Variants in LAMA1 observed in about 807,000 individuals in gnomAD.
The protein encoded by LAMA1 is laminin subunit alpha-1.
Under a neutral mutation model 348.7 loss-of-function variants are expected in LAMA1, and 219 were observed. The observed-to-expected ratio is 0.63, with a 90% confidence interval of 0.56 to 0.70. LAMA1 has a LOEUF of 0.70. Among genes scored for constraint, LAMA1 ranks in the 30% least tolerant of loss-of-function variants. LAMA1 has a pLI of 0.00. For synonymous variants in LAMA1, 1,487 were observed against 1,491.0 expected (o/e 1.00, Z 0.06); for missense variants, 3,744 against 3,888.0 (o/e 0.96, Z 0.99).
intron 48 of LAMA1, among the ~76,000 whole-genome samples, chr18:6,967,025 G>A (rs1345066806): frequency 4.6e-5 from 7 of 152,214 alleles, no homozygotes; most frequent in Non-Finnish European, 1.0e-4. Flanking sequence ...GCTTGAGAGT[G>A]AAACTTGGAT....
At chr18:7,056,527 A>G (rs1343526730) in intron 3 of LAMA1, among the ~76,000 whole-genome samples, 2 of 152,164 alleles carry the variant, frequency 1.3e-5, no homozygotes, top group East Asian at 3.8e-4. Flanking sequence ...GAGGTCAAGA[A>G]ACAAACTACT....
In LAMA1 at chr18:6,973,040, A is replaced by C. The variant is rs1246238754; in HGVS notation, c.6774+17T>G. On this transcript the variant is annotated intron_variant, in intron 47 of 62. Transcript: ENST00000389658. Reference sequence around the variant, plus strand: ...TCAGTCAATCAGTCCTGTTCAGAAGAACTTTCGTAATGTTACCTTGATTTG... The same window carrying C: ...TCAGTCAATCAGTCCTGTTCAGAAGCACTTTCGTAATGTTACCTTGATTTG... 4 of 1,613,776 alleles carry C rather than the reference A, an allele frequency of 2.5e-6. No homozygotes were observed. In the South Asian group the frequency reaches 4.4e-5, roughly 18 times the overall value.
rs2143971446 is a variant in LAMA1, at chr18:6,949,211, G to A, written c.8446C>T (p.Arg2816Ter). The change falls in exon 59 of 63, where the codon CGA becomes TGA. Residue 2816 changes from arginine (R) to a stop codon, truncating the protein, a stop_gained. Transcript: ENST00000389658. LOFTEE classifies it high-confidence loss of function. ...ACCACAGTCACCATGGGAGACTCTC[G>A]GCCGTCGACAGTTATGAAGCCTTTT... is the stretch of plus-strand genomic sequence containing the variant. Reference protein sequence around the residue: ...KRKGFITVDGRESPMVTVVGD... With the variant: ...KRKGFITVDG 4 of 1,614,140 alleles carry A rather than the reference G, an allele frequency of 2.5e-6. No homozygotes were observed. Among genetic ancestry groups the A allele is most frequent in the Non-Finnish European group, 3.4e-6 (4 of 1,180,012 alleles).
intron 3 of LAMA1, among the ~76,000 whole-genome samples, chr18:7,053,305 C>A (rs1457734347): frequency 1.3e-5 from 2 of 152,176 alleles, no homozygotes; most frequent in Non-Finnish European, 2.9e-5. Context: ...GAATGTACAA[C>A]ACCAAGAGGG....
rs76211254 is a variant in LAMA1 at position 7,097,866 on chromosome 18, G to A, written c.62-17409C>T. Reference sequence around the variant, plus strand: ...CCTCTCCCCTCTCCCCTCTCCCCACGGTCTCCCTCTCCCTCTCTTTCCACG... The same window carrying A: ...CCTCTCCCCTCTCCCCTCTCCCCACAGTCTCCCTCTCCCTCTCTTTCCACG... On this transcript the variant is annotated intron_variant, in intron 1 of 62. Transcript: ENST00000389658. 8.7e-5 allele frequency among the ~76,000 whole-genome samples: 13 copies of A among 149,142 alleles called. No individual in the cohort carries two copies. In the South Asian group the frequency reaches 1.1e-3, roughly 12 times the overall value.
At chr18:6,970,158 G>C (rs962374116) in intron 48 of LAMA1, among the ~76,000 whole-genome samples, 2 of 152,130 alleles carry the variant, frequency 1.3e-5, no homozygotes, top group African/African-American at 4.8e-5. Flanking sequence ...GGATCAGAGA[G>C]CCTGAATTCA....
intron 1 of LAMA1, 72 bp from the exon 2 acceptor site, chr18:7,080,529 G>A (rs1165672436): frequency 6.7e-7 from 1 of 1,490,268 alleles, no homozygotes; most frequent in Non-Finnish European, 9.3e-7. Flanking sequence ...CATCCCACTT[G>A]GTAGGTGAAT....
At chr18:7,024,930 C>T (rs1005442000) in intron 17 of LAMA1, among the ~76,000 whole-genome samples, 5 of 152,198 alleles carry the variant, frequency 3.3e-5, no homozygotes, top group Non-Finnish European at 5.9e-5. Flanking sequence ...GGTCAGGAGG[C>T]TCTCGCACCT....
At chr18:6,995,726 T>C (rs2057778443) in intron 33 of LAMA1, among the ~76,000 whole-genome samples, 1 of 152,198 alleles carries the variant, frequency 6.6e-6, no homozygotes, top group Non-Finnish European at 1.5e-5. Flanking sequence ...GATAAAAGTC[T>C]GGCTTTATCT....
chr18:6,974,985 C>T lies in LAMA1; in HGVS notation c.6541G>A (p.Asp2181Asn), dbSNP rs765514677. Residue 2181 changes from aspartate (D) to asparagine (N), a missense_variant, in exon 46 of 63, where the codon GAC (aspartate) becomes AAC (asparagine). Physicochemically the swap from Asp to Asn is conservative, Grantham distance 23 (BLOSUM62 1). Coordinates refer to ENST00000389658, the MANE Select transcript of LAMA1 (RefSeq NM_005559.4). Reference sequence around the variant, plus strand: ...AAGCGTGTGGACCCGGAGCCCAGGTCCCACAGGAAGGCCACTCTCCCTCGC... The same window carrying T: ...AAGCGTGTGGACCCGGAGCCCAGGTTCCACAGGAAGGCCACTCTCCCTCGC... The part of the protein sequence containing the change: ...MRRGRVAFLW[D>N]LGSGSTRLEF... The T allele has an allele frequency of 2.5e-6, 4 of 1,614,022 alleles. No individual in the cohort carries two copies. Among genetic ancestry groups the T allele is most frequent in the Admixed American group, 3.3e-5 (2 of 60,004 alleles).
At chr18:7,012,245 G>A in intron 23 of LAMA1, 107 bp from the exon 24 acceptor site, 1 of 1,229,212 alleles carries the variant, frequency 8.1e-7, no homozygotes, top group Non-Finnish European at 1.2e-6. Flanking sequence ...CATAATTATA[G>A]ATGCACAAAC....
chr18:6,944,316 C>T lies in LAMA1; in HGVS notation c.8845-914G>A, dbSNP rs556944625. ...CAGGTGTGAGCCACCGCACCTGGCC[C>T]GGTCATACCTATTGATAGCACCTAT... is the stretch of plus-strand genomic sequence containing the variant. On this transcript the variant is annotated intron_variant, in intron 61 of 62. Coordinates refer to ENST00000389658, the MANE Select transcript of LAMA1 (RefSeq NM_005559.4). Among the ~76,000 whole-genome samples the T allele has an allele frequency of 5.3e-5, 8 of 152,256 alleles. No individual in the cohort carries two copies. In the East Asian group the frequency reaches 7.8e-4, roughly 15 times the overall value.
chr18:6,949,366 C>T, intron 58 of LAMA1, 107 bp from the exon 59 acceptor site: 1 of 1,099,702 alleles, frequency 9.1e-7, no homozygotes, highest in Non-Finnish European at 1.4e-6. Context: ...GCTATAACAA[C>T]CTGAATGCAA....
intron 57 of LAMA1, among the ~76,000 whole-genome samples, 168 bp from the exon 58 acceptor site, chr18:6,951,139 A>C (rs1489833169): frequency 6.6e-6 from 1 of 152,206 alleles, no homozygotes; most frequent in African/African-American, 2.4e-5. Flanking sequence ...ATGAGTTATT[A>C]GTGCCTACCT....
chr18:7,007,229 G>A lies in LAMA1; in HGVS notation c.4170C>T (p.Asp1390=). The change falls in exon 29 of 63, where the codon GAC becomes GAT. Residue 1390 remains aspartate (D), a synonymous_variant. Transcript: ENST00000389658. ...GAGCAACCAGAGGGCGTGGTCCCCT[G>A]TCACTCCCTGCTGGGAGCTTCCCTC... ...YHRGKLPAGS[D]RGPRPLVAPC... The A allele has an allele frequency of 6.2e-7, 1 of 1,614,102 alleles. No homozygotes were observed. The highest frequency in any genetic ancestry group is 8.5e-7 in the Non-Finnish European group (1 of 1,180,012).
At chr18:7,070,470 C>T (rs563478092) in intron 3 of LAMA1, among the ~76,000 whole-genome samples, 6 of 152,074 alleles carry the variant, frequency 3.9e-5, no homozygotes, top group Non-Finnish European at 8.8e-5. Flanking sequence ...TTGACCTTGT[C>T]GATGTGCTTA....
intron 1 of LAMA1, among the ~76,000 whole-genome samples, chr18:7,092,758 T>G (rs1008843544): frequency 6.6e-6 from 1 of 152,172 alleles, no homozygotes; most frequent in Non-Finnish European, 1.5e-5. Context: ...CTTTCTCTCT[T>G]TCTTAAACCC....
At chr18:6,967,582 T>C (rs1222551742) in intron 48 of LAMA1, among the ~76,000 whole-genome samples, 1 of 152,192 alleles carries the variant, frequency 6.6e-6, no homozygotes, top group Non-Finnish European at 1.5e-5. Flanking sequence ...CTTAGAACAG[T>C]GCCTGGCACA....
intron 3 of LAMA1, among the ~76,000 whole-genome samples, chr18:7,073,009 G>A (rs919112614): frequency 6.6e-6 from 1 of 152,126 alleles, no homozygotes; most frequent in Non-Finnish European, 1.5e-5. Context: ...CATTCTGAAA[G>A]ATAGGAGACT....
Sources: allele counts gnomAD v4.1 joint callset (sites outside exome capture counted in the v4.1 genomes callset), GRCh38; gene constraint gnomAD v4.1.1; transcripts MANE v1.5; gene names NCBI Gene and HGNC (gene_info 2026-07-23, HGNC 2026-07-21).